Variants in LDB2 observed in about 807,000 individuals in gnomAD.
The protein encoded by LDB2 is LIM domain binding 2.
Under a neutral mutation model 44.3 loss-of-function variants are expected in LDB2, and 12 were observed. That is an observed-to-expected ratio of 0.27 (90% CI 0.17 to 0.44). The LOEUF is 0.44. LDB2 is among the 20% of genes least tolerant of loss of function. The pLI is 1.00. For missense variants in LDB2, 344 were observed against 473.5 expected, an observed-to-expected ratio of 0.73 and a Z score of 2.54; for synonymous variants, 164 against 174.8, an observed-to-expected ratio of 0.94 and a Z score of 0.49.
At chr4:16,807,328 T>C (rs1778970685) in intron 1 of LDB2, among the ~76,000 whole-genome samples, 1 of 152,218 alleles carries the variant, frequency 6.6e-6, no homozygotes, top group African/African-American at 2.4e-5. Flanking sequence ...TAATTAATTA[T>C]GGATAATAAC....
At chr4:16,821,149 C>T (rs529839101) in intron 1 of LDB2, among the ~76,000 whole-genome samples, 42 of 152,194 alleles carry the variant, frequency 2.8e-4, no homozygotes, top group Non-Finnish European at 5.3e-4. Flanking sequence ...TTGGCACCTT[C>T]TTCCGTGTTA....
chr4:16,569,989 A>G (rs1350564137), intron 5 of LDB2, among the ~76,000 whole-genome samples: 1 of 152,150 alleles, frequency 6.6e-6, no homozygotes, highest in Non-Finnish European at 1.5e-5. Context: ...AAGGACAGTT[A>G]ACAGCCTTCG....
intron 5 of LDB2, among the ~76,000 whole-genome samples, chr4:16,520,188 G>A (rs1725477097): frequency 6.6e-6 from 1 of 151,878 alleles, no homozygotes; most frequent in South Asian, 2.1e-4. Flanking sequence ...GTACCAGAAA[G>A]ACATCAGATG....
chr4:16,508,438 T>A, intron 7 of LDB2, 97 bp downstream of exon 7: 1 of 1,175,016 alleles, frequency 8.5e-7, no homozygotes, highest in Non-Finnish European at 1.1e-6. Flanking sequence ...GCCCAGGATT[T>A]TTTTTTTTTT....
At position 16,502,776 on chromosome 4, in the gene LDB2, G is replaced by GCAT. The variant is rs750108596; in HGVS notation, c.986_988dup (p.Asp329dup). On this transcript the variant is annotated inframe_insertion, in exon 8 of 8. Coordinates refer to ENST00000304523, the MANE Select transcript of LDB2 (RefSeq NM_001290.5). Reference sequence around the variant, plus strand: ...CTCCTCGTCGTCCATGCCGTTGGCCGCATCATATTGCGTGTTTTCTAATCT... The same window carrying GCAT: ...CTCCTCGTCGTCCATGCCGTTGGCCGCATCATCATATTGCGTGTTTTCTAATCT... 1.9e-6 allele frequency: 3 copies of GCAT among 1,614,002 alleles called. No individual in the cohort carries two copies. Among genetic ancestry groups the GCAT allele is most frequent in the Non-Finnish European group, 2.5e-6 (3 of 1,179,994 alleles).
At chr4:16,654,796 T>C (rs535606479) in intron 2 of LDB2, among the ~76,000 whole-genome samples, 2 of 152,332 alleles carry the variant, frequency 1.3e-5, no homozygotes, top group South Asian at 4.1e-4. Context: ...AAAGTCTTGG[T>C]TAATAACAAT....
chr4:16,622,576 T>A (rs542551768), intron 2 of LDB2, among the ~76,000 whole-genome samples: 37 of 152,328 alleles, frequency 2.4e-4, no homozygotes, highest in African/African-American at 8.4e-4. Context: ...AGCTTTAAAG[T>A]TCAGCTTTTC....
intron 1 of LDB2, among the ~76,000 whole-genome samples, chr4:16,844,701 C>T (rs1786611064): frequency 6.6e-6 from 1 of 151,954 alleles, no homozygotes; most frequent in Admixed American, 6.6e-5. Flanking sequence ...TTTTTTTGTC[C>T]ATGACTTTTT....
intron 2 of LDB2, among the ~76,000 whole-genome samples, chr4:16,619,029 G>C (rs754489639): frequency 6.6e-6 from 1 of 152,124 alleles, no homozygotes; most frequent in African/African-American, 2.4e-5. Flanking sequence ...TAAGTTTCCT[G>C]AGGCCTCCTC....
At chr4:16,614,031 C>T (rs1726428087) in intron 2 of LDB2, among the ~76,000 whole-genome samples, 1 of 152,208 alleles carries the variant, frequency 6.6e-6, no homozygotes, top group African/African-American at 2.4e-5. Flanking sequence ...TACAAGGCTA[C>T]AGTAACCAAA....
In LDB2 at chr4:16,520,057, G is replaced by A. The variant is rs577774547; in HGVS notation, c.616-7953C>T. Reference sequence around the variant, plus strand: ...TGGCATTTTAGTAGCTAACGTCTCCGATAATAACCCATATTTAGAATTCAG... The same window carrying A: ...TGGCATTTTAGTAGCTAACGTCTCCAATAATAACCCATATTTAGAATTCAG... On this transcript the variant is annotated intron_variant, in intron 5 of 7. Coordinates refer to ENST00000304523, the MANE Select transcript of LDB2 (RefSeq NM_001290.5). 1.8e-4 allele frequency among the ~76,000 whole-genome samples: 27 copies of A among 152,042 alleles called. No homozygotes were observed. In the East Asian group the frequency reaches 5.3e-3, roughly 30 times the overall value.
intron 1 of LDB2, among the ~76,000 whole-genome samples, chr4:16,853,779 G>C (rs1277204521): frequency 1.3e-5 from 2 of 152,204 alleles, no homozygotes; most frequent in African/African-American, 4.8e-5. Flanking sequence ...ATATGCAATG[G>C]AATATTATTT....
chr4:16,615,056 C>A lies in LDB2; in HGVS notation c.236-19181G>T, dbSNP rs566352606. On this transcript the variant is annotated intron_variant, in intron 2 of 7. Transcript: ENST00000304523. ...CTGCACTCCAGCCTGGGCGACAGAG[C>A]GAGACTCCGTCTCAAAAAAAAAAAA... Among the ~76,000 whole-genome samples, 459 of 113,108 alleles carry A rather than the reference C, an allele frequency of 4.1e-3. 4 individuals are homozygous for A. Among genetic ancestry groups the A allele is most frequent in the African/African-American group, 0.015 (432 of 28,344 alleles). 74.2% of individuals were successfully genotyped at this position (113,108 alleles called of 152,430 possible).
intron 5 of LDB2, among the ~76,000 whole-genome samples, chr4:16,578,524 A>G (rs1712805073): frequency 6.6e-6 from 1 of 152,210 alleles, no homozygotes; most frequent in South Asian, 2.1e-4. Context: ...ATCCCAGTCA[A>G]AATGGTTTTT....
chr4:16,699,190 G>T (rs533374379), intron 2 of LDB2, among the ~76,000 whole-genome samples: 1 of 152,296 alleles, frequency 6.6e-6, no homozygotes, highest in South Asian at 2.1e-4. Context: ...TTAATCGTAA[G>T]ATAACTCCTT....
At chr4:16,853,253 C>T (rs570597333) in intron 1 of LDB2, among the ~76,000 whole-genome samples, 1 of 151,934 alleles carries the variant, frequency 6.6e-6, no homozygotes, top group Non-Finnish European at 1.5e-5. Flanking sequence ...GGTTAATATC[C>T]CAAATTTGCA....
At chr4:16,566,661 C>A (rs1451467607) in intron 5 of LDB2, among the ~76,000 whole-genome samples, 1 of 152,082 alleles carries the variant, frequency 6.6e-6, no homozygotes, top group Admixed American at 6.6e-5. Flanking sequence ...AGGGAAAATA[C>A]CACATCATCT....
intron 1 of LDB2, among the ~76,000 whole-genome samples, chr4:16,773,509 G>T (rs184963019): frequency 4.7e-4 from 71 of 152,150 alleles, no homozygotes; most frequent in Non-Finnish European, 9.4e-4. Context: ...TCGATCCCTC[G>T]CATGCACAGT....
At chr4:16,550,355 TG>T (rs1737236308) in intron 5 of LDB2, among the ~76,000 whole-genome samples, 1 of 152,232 alleles carries the variant, frequency 6.6e-6, no homozygotes, top group African/African-American at 2.4e-5. Flanking sequence ...CTCAAGACCC[TG>T]GGTTCCTGGG....
Sources: gnomAD v4.1 joint callset for allele counts (sites outside exome capture counted in the v4.1 genomes callset) on GRCh38, gnomAD v4.1.1 for gene constraint, MANE v1.5 for transcripts, NCBI Gene and HGNC (gene_info 2026-07-23, HGNC 2026-07-21) for gene names.